SOAT1: variants seen among roughly 807,000 people sequenced by gnomAD.
SOAT1 encodes sterol O-acyltransferase 1.
In SOAT1, 55 loss-of-function variants were observed where a neutral mutation model predicts 69.5. The ratio of observed to expected loss-of-function variants is 0.79; its 90% confidence interval spans 0.64 to 0.99. The LOEUF (loss-of-function observed/expected upper bound fraction) is 0.99, where lower values mean the gene tolerates loss of function less well. SOAT1 is among the 50% of genes least tolerant of loss of function. SOAT1 has a pLI of 0.00. For synonymous variants in SOAT1, 231 were observed against 224.7 expected (o/e 1.03, Z -0.25); for missense variants, 580 against 669.3 (o/e 0.87, Z 1.47).
rs949932832 is a variant in SOAT1 at position 179,316,212 on chromosome 1, A to T, written c.119-7225A>T. Reference sequence around the variant, plus strand: ...ATATGACCTAGCCTTCTTCCCAGTCATCAATTCTGCCATTATCGATAATTG... The same window carrying T: ...ATATGACCTAGCCTTCTTCCCAGTCTTCAATTCTGCCATTATCGATAATTG... On this transcript the variant is annotated intron_variant, in intron 2 of 15. Coordinates refer to ENST00000367619, the MANE Select transcript of SOAT1 (RefSeq NM_003101.6). Among the ~76,000 whole-genome samples the T allele has an allele frequency of 7.9e-5, 12 of 152,254 alleles. No homozygotes were observed. The East Asian group carries it at 2.3e-3, about 29-fold the overall frequency.
intron 13 of SOAT1, 98 bp from the exon 14 acceptor site, chr1:179,350,198 A>G: frequency 4.3e-6 from 4 of 938,070 alleles, no homozygotes; most frequent in Non-Finnish European, 6.4e-6. Context: ...AAGTACAAAT[A>G]CAATAGGTGC....
intron 8 of SOAT1, 82 bp downstream of exon 8, chr1:179,342,274 TCTTTC>T (rs1666366125): frequency 7.6e-6 from 5 of 658,012 alleles, no homozygotes; most frequent in East Asian, 3.7e-5. Context: ...TCCCTTCCCT[TCTTTC>T]CTTCTTTCCT....
intron 6 of SOAT1, 48 bp downstream of exon 6, chr1:179,339,593 G>C (rs757693066): frequency 3.8e-6 from 5 of 1,299,654 alleles, no homozygotes; most frequent in Non-Finnish European, 3.3e-6. Flanking sequence ...TGAGAAGTTA[G>C]AGGTTTTCAC....
chr1:179,324,712 A>G (rs1161019621), intron 3 of SOAT1, among the ~76,000 whole-genome samples: 1 of 152,228 alleles, frequency 6.6e-6, no homozygotes, highest in Non-Finnish European at 1.5e-5. Context: ...AGATTGTTTA[A>G]GGATTTGTTA....
rs114555461 is a variant in SOAT1 at position 179,311,399 on chromosome 1, T to G, written c.118+8597T>G. 8.6e-3 allele frequency among the ~76,000 whole-genome samples: 1,083 copies of G among 125,292 alleles called. 12 individuals carry two copies. Among genetic ancestry groups the G allele is most frequent in the African/African-American group, 0.026 (996 of 37,908 alleles). The allele number at this position is 125,292 out of a possible 152,430, so 82.2% of individuals were successfully genotyped here. A position where few individuals can be genotyped will look rare whatever the true frequency, so the allele number is the denominator to read the frequency against. The stretch of plus-strand genomic sequence containing the variant: ...TAACAAGTTTAACAAGGATGCGGAT[T>G]TAGAAATTTGGAGGCCATAATGTCT... On this transcript the variant is annotated intron_variant, in intron 2 of 15. Transcript: ENST00000367619.
intron 11 of SOAT1, among the ~76,000 whole-genome samples, chr1:179,346,523 G>A (rs2124999524): frequency 6.6e-6 from 1 of 152,314 alleles, no homozygotes; most frequent in South Asian, 2.1e-4. Context: ...GTAGTGGGAT[G>A]GATGCAAGGG....
chr1:179,351,720 A>ATTTTTTTTTT (rs1558061106), intron 15 of SOAT1, among the ~76,000 whole-genome samples: 12 of 43,502 alleles, frequency 2.8e-4, no homozygotes, highest in African/African-American at 1.0e-3. Flanking sequence ...AGCCCCTTCT[A>ATTTTTTTTTT]ATTTTTTTTT....
intron 8 of SOAT1, 51 bp downstream of exon 8, chr1:179,342,243 C>T (rs1666364272): frequency 8.2e-7 from 1 of 1,226,150 alleles, no homozygotes; most frequent in Non-Finnish European, 1.2e-6. Flanking sequence ...CCTCCTCTCC[C>T]CCCACCCCAT....
At chr1:179,342,244 C>G in intron 8 of SOAT1, 52 bp downstream of exon 8, 1 of 1,227,140 alleles carries the variant, frequency 8.1e-7, no homozygotes, top group Non-Finnish European at 1.2e-6. Flanking sequence ...CTCCTCTCCC[C>G]CCACCCCATT....
At chr1:179,309,888 G>C (rs977135554) in intron 2 of SOAT1, among the ~76,000 whole-genome samples, 5 of 151,282 alleles carry the variant, frequency 3.3e-5, no homozygotes, top group African/African-American at 4.9e-5. Context: ...GTTTGTTTTT[G>C]TTTTTATTTT....
chr1:179,335,766 A>C, intron 4 of SOAT1, 109 bp downstream of exon 4: 1 of 1,007,074 alleles, frequency 9.9e-7, no homozygotes, highest in Non-Finnish European at 1.4e-6. Context: ...GTCACTTTCT[A>C]TTGGCTGTGT....
At chr1:179,344,323 C>G (rs928505706) in intron 10 of SOAT1, among the ~76,000 whole-genome samples, 2 of 142,780 alleles carry the variant, frequency 1.4e-5, no homozygotes, top group Non-Finnish European at 3.0e-5. Context: ...ATCAAATGCC[C>G]ATTTATGAAG....
At chr1:179,329,972 T>G (rs1487432886) in intron 3 of SOAT1, among the ~76,000 whole-genome samples, 2 of 152,202 alleles carry the variant, frequency 1.3e-5, no homozygotes, top group African/African-American at 4.8e-5. Context: ...GACCCTGGTT[T>G]GGTTCCTTCC....
intron 4 of SOAT1, among the ~76,000 whole-genome samples, chr1:179,336,657 A>G (rs72715599): frequency 0.022 from 3,424 of 152,260 alleles, 65 homozygotes; most frequent in Middle Eastern, 0.051. Flanking sequence ...CCAAAATTAC[A>G]TAGCAGGGAT....
chr1:179,341,892 T>A, intron 7 of SOAT1: 1 of 286,686 alleles, frequency 3.5e-6, no homozygotes, highest in Non-Finnish European at 5.2e-6. Flanking sequence ...GTAAAAGTCA[T>A]TTAAATTATA....
chr1:179,307,163 G>A (rs1362663644), intron 2 of SOAT1, among the ~76,000 whole-genome samples: 1 of 152,198 alleles, frequency 6.6e-6, no homozygotes, highest in African/African-American at 2.4e-5. Flanking sequence ...GTATACCTGG[G>A]TTGCGTGGGA....
intron 10 of SOAT1, 108 bp from the exon 11 acceptor site, chr1:179,344,839 C>G: frequency 2.0e-6 from 2 of 1,003,728 alleles, no homozygotes; most frequent in Non-Finnish European, 3.1e-6. Flanking sequence ...AATACATATG[C>G]GAACATTACT....
At chr1:179,295,121 T>C (rs1664589174) in intron 1 of SOAT1, among the ~76,000 whole-genome samples, 1 of 152,188 alleles carries the variant, frequency 6.6e-6, no homozygotes, top group Non-Finnish European at 1.5e-5. Flanking sequence ...TTTCGCAGTC[T>C]TTTAGGATAA....
At chr1:179,327,019 A>T (rs922119697) in intron 3 of SOAT1, among the ~76,000 whole-genome samples, 4 of 152,184 alleles carry the variant, frequency 2.6e-5, no homozygotes, top group African/African-American at 9.7e-5. Context: ...GGAGAAGGGA[A>T]CTACATTTAG....
Sources: gnomAD v4.1 joint callset for allele counts (sites outside exome capture counted in the v4.1 genomes callset) on GRCh38, gnomAD v4.1.1 for gene constraint, MANE v1.5 for transcripts, NCBI Gene and HGNC (gene_info 2026-07-23, HGNC 2026-07-21) for gene names.